Variants in ANKAR observed in about 807,000 individuals in gnomAD.
ANKAR encodes ankyrin and armadillo repeat containing.
In ANKAR, 136 loss-of-function variants were observed where a neutral mutation model predicts 146.2. The observed-to-expected ratio is 0.93, with a 90% CI of 0.81 to 1.07. The LOEUF (loss-of-function observed/expected upper bound fraction) is 1.07. Among genes scored for constraint, ANKAR ranks in the 50% least tolerant of loss-of-function variants. The probability of loss-of-function intolerance (pLI) is 0.00; values close to 1 mark genes in which losing one functional copy is unlikely to be tolerated. For synonymous variants in ANKAR, 500 were observed against 575.8 expected (o/e 0.87, Z 1.88); for missense variants, 1,567 against 1,679.9 (o/e 0.93, Z 1.18).
intron 7 of ANKAR, among the ~76,000 whole-genome samples, chr2:189,703,200 C>T (rs535388427): frequency 9.6e-4 from 146 of 152,104 alleles, no homozygotes; most frequent in African/African-American, 3.3e-3. Context: ...AATCAGATGG[C>T]CTTGAGAAGC....
intron 12 of ANKAR, among the ~76,000 whole-genome samples, chr2:189,721,959 T>C (rs1390896716): frequency 6.6e-6 from 1 of 152,184 alleles, no homozygotes; most frequent in Non-Finnish European, 1.5e-5. Context: ...GTGACATCAT[T>C]TGAAAGCCCT....
At chr2:189,756,948 TTC>T (rs1210056887) in intron 18 of ANKAR, among the ~76,000 whole-genome samples, 8 of 152,234 alleles carry the variant, frequency 5.3e-5, no homozygotes, top group East Asian at 3.8e-4. Flanking sequence ...CATTTCTTCC[TTC>T]TCTGTCTTGC....
chr2:189,750,116 GA>G (rs770078599), downstream of ANKAR, among the ~76,000 whole-genome samples: 5 of 152,054 alleles, frequency 3.3e-5, no homozygotes, highest in African/African-American at 7.2e-5. Context: ...GACAGAGGGA[GA>G]TTATCTCCAA....
chr2:189,722,212 G>A (rs1024778267), intron 12 of ANKAR, among the ~76,000 whole-genome samples: 4 of 151,740 alleles, frequency 2.6e-5, no homozygotes, highest in East Asian at 1.9e-4. Context: ...GGTGGTGCAC[G>A]CCTGTAATCC....
intron 10 of ANKAR, among the ~76,000 whole-genome samples, chr2:189,715,566 G>A (rs2040348149): frequency 6.6e-6 from 1 of 152,120 alleles, no homozygotes; most frequent in Admixed American, 6.5e-5. Context: ...AGAAAAAGAG[G>A]GAATCCTTCC....
chr2:189,702,540 A>G (rs894540180), intron 7 of ANKAR, among the ~76,000 whole-genome samples: 2 of 152,280 alleles, frequency 1.3e-5, no homozygotes, highest in African/African-American at 2.4e-5. Flanking sequence ...TTTTGAGGGT[A>G]TCAGTTTGCC....
At position 189,728,732 on chromosome 2, in the gene ANKAR, T is replaced by A. The variant is rs762136358; in HGVS notation, c.3104T>A (p.Ile1035Asn). ...AATCAAATATGTGAAGGGAATGGAA[T>A]TGCACCATTGGTTCGCTTACTAAGA... ...HQNQICEGNG[I>N]APLVRLLRIS... The change falls in exon 15 of 23, where the codon ATT becomes AAT. Residue 1035 changes from isoleucine to asparagine, a missense_variant. Coordinates refer to ENST00000684021, the MANE Select transcript of ANKAR (RefSeq NM_001378068.1). 1 of 1,602,638 alleles carries A rather than the reference T, an allele frequency of 6.2e-7. No individual in the cohort carries two copies. The highest frequency in any genetic ancestry group is 1.3e-5 in the African/African-American group (1 of 74,784).
rs1470982472 is a variant in ANKAR, at chr2:189,719,595, C to G, written c.2248C>G (p.Leu750Val). The change falls in exon 11 of 23, where the codon CTA becomes GTA. Residue 750 changes from leucine to valine, a missense_variant. Physicochemically the swap from Leu to Val is conservative, Grantham distance 32. Transcript: ENST00000684021. Reference protein sequence around the residue: ...DAGTIPALINLLKSSKIKLQC... With the variant: ...DAGTIPALINVLKSSKIKLQC... ...AGGCACCATTCCTGCCTTAATCAAT[C>G]TATTAAAAAGTTCCAAAATAAAACT... 1 of 1,610,988 alleles carries G rather than the reference C, an allele frequency of 6.2e-7. No homozygotes were observed. Among genetic ancestry groups the G allele is most frequent in the African/African-American group, 1.3e-5 (1 of 74,854 alleles).
At chr2:189,728,475 T>C in intron 14 of ANKAR, 55 bp downstream of exon 14, 1 of 1,533,950 alleles carries the variant, frequency 6.5e-7, no homozygotes, top group Non-Finnish European at 8.8e-7. Context: ...TCTTGCTCTG[T>C]TGCCCAGCCT....
intron 19 of ANKAR, among the ~76,000 whole-genome samples, chr2:189,740,985 C>T (rs777762251): frequency 3.0e-4 from 46 of 152,316 alleles, no homozygotes; most frequent in Non-Finnish European, 4.9e-4. Flanking sequence ...TGGGCCACCA[C>T]GCCCGGCCTA....
intron 2 of ANKAR, among the ~76,000 whole-genome samples, chr2:189,686,689 G>C (rs2035653039): frequency 6.6e-6 from 1 of 152,128 alleles, no homozygotes; most frequent in Non-Finnish European, 1.5e-5. Context: ...CTTGATCAAA[G>C]CTGGGACTTA....
At chr2:189,734,667 T>C (rs2164831) in intron 17 of ANKAR, among the ~76,000 whole-genome samples, 149,438 of 152,268 alleles carry the variant, frequency 0.98, 73,389 homozygotes, top group South Asian at 1. Flanking sequence ...CAAAATTTTA[T>C]TCTACTGTGG....
chr2:189,689,909 T>C lies in ANKAR; in HGVS notation c.984T>C (p.Ser328=). ...LICFLIPFLL[S]LKKKMKVPYL... is the part of the protein sequence containing the mutation. ...GTTTTCTGATTCCATTTCTACTGAG[T>C]TTAAAGAAGAAAATGAAAGTTCCAT... Residue 328 remains serine (S), a synonymous_variant, in exon 3 of 23, where the codon AGT becomes AGC. Coordinates refer to ENST00000684021, the MANE Select transcript of ANKAR (RefSeq NM_001378068.1). The C allele has an allele frequency of 3.9e-6, 6 of 1,555,844 alleles. No homozygotes were observed. Among genetic ancestry groups the C allele is most frequent in the Non-Finnish European group, 5.2e-6 (6 of 1,159,816 alleles).
intron 17 of ANKAR, among the ~76,000 whole-genome samples, chr2:189,736,632 C>T (rs2042880207): frequency 1.3e-5 from 2 of 151,536 alleles, no homozygotes; most frequent in African/African-American, 4.8e-5. Flanking sequence ...CAGCAGTCAT[C>T]ATCTCATGGC....
At chr2:189,702,729 T>G (rs985523597) in intron 7 of ANKAR, among the ~76,000 whole-genome samples, 1 of 152,178 alleles carries the variant, frequency 6.6e-6, no homozygotes, top group African/African-American at 2.4e-5. Flanking sequence ...TATAGACTAT[T>G]AAGGCTATAA....
chr2:189,696,408 AT>A, intron 7 of ANKAR, 39 bp downstream of exon 7: 1 of 1,579,146 alleles, frequency 6.3e-7, no homozygotes, highest in South Asian at 1.1e-5. Context: ...TTGTTATTTT[AT>A]TTACCCTTAC....
chr2:189,724,028 A>C (rs2041600034), intron 12 of ANKAR, among the ~76,000 whole-genome samples: 1 of 152,200 alleles, frequency 6.6e-6, no homozygotes, highest in Non-Finnish European at 1.5e-5. Flanking sequence ...TGCCAAAAAG[A>C]ACGTAAACCA....
At chr2:189,755,265 C>G (rs2045926504) in intron 18 of ANKAR, 2 of 1,613,464 alleles carry the variant, frequency 1.2e-6, no homozygotes, top group Non-Finnish European at 1.7e-6. Flanking sequence ...AGACAGTGAC[C>G]TCCAGAAATC....
At chr2:189,728,959 T>G in intron 15 of ANKAR, 138 bp downstream of exon 15, 3 of 797,062 alleles carry the variant, frequency 3.8e-6, no homozygotes, top group Non-Finnish European at 5.5e-6. Flanking sequence ...GAAAGACTAT[T>G]ATAACTTTTA....
Sources: allele counts gnomAD v4.1 joint callset (sites outside exome capture counted in the v4.1 genomes callset), GRCh38; gene constraint gnomAD v4.1.1; transcripts MANE v1.5; gene names NCBI Gene and HGNC (gene_info 2026-07-23, HGNC 2026-07-21).